Variants in PBX4 observed in about 807,000 individuals in gnomAD.
PBX4 encodes the protein PBX homeobox 4, also known as pre-B-cell leukemia transcription factor 4.
A neutral mutation model predicts 35.1 loss-of-function variants in PBX4; 26 were observed. That is an observed-to-expected ratio of 0.74 (90% CI 0.54 to 1.03). The LOEUF is 1.03. Among genes scored for constraint, PBX4 ranks in the 50% least tolerant of loss-of-function variants. The pLI is 0.00. For missense variants in PBX4, 448 were observed against 504.3 expected (o/e 0.89, Z 1.07); for synonymous variants, 199 against 204.2 (o/e 0.97, Z 0.22).
chr19:19,583,856 G>T (rs532020585), intron 2 of PBX4, among the ~76,000 whole-genome samples: 11 of 152,234 alleles, frequency 7.2e-5, no homozygotes, highest in African/African-American at 1.9e-4. Flanking sequence ...GATCACCTCA[G>T]ATCAGGAGTT....
chr19:19,572,424 T>C (rs1426641621), intron 2 of PBX4, among the ~76,000 whole-genome samples: 1 of 152,136 alleles, frequency 6.6e-6, no homozygotes, highest in Non-Finnish European at 1.5e-5. Context: ...AGTGCTCAGA[T>C]GACAATTCCG....
chr19:19,591,968 C>T (rs941696225), intron 2 of PBX4, among the ~76,000 whole-genome samples: 1 of 152,186 alleles, frequency 6.6e-6, no homozygotes, highest in Non-Finnish European at 1.5e-5. Context: ...TCAAGTGATT[C>T]TTCTGCCTCA....
intron 1 of PBX4, among the ~76,000 whole-genome samples, chr19:19,607,532 C>G (rs1329030942): frequency 6.6e-6 from 1 of 152,104 alleles, no homozygotes; most frequent in Non-Finnish European, 1.5e-5. Context: ...TATAGCAAAA[C>G]AATTGAGAGT....
chr19:19,574,114 C>T (rs746904728), intron 2 of PBX4, among the ~76,000 whole-genome samples: 4 of 151,782 alleles, frequency 2.6e-5, no homozygotes, highest in African/African-American at 9.7e-5. Flanking sequence ...TGAGCTCAAG[C>T]GATCCACCCG....
chr19:19,600,154 A>AATAATG (rs747078999), intron 1 of PBX4, among the ~76,000 whole-genome samples: 9 of 151,524 alleles, frequency 5.9e-5, no homozygotes, highest in Non-Finnish European at 8.8e-5. Context: ...TAATAATAAT[A>AATAATG]ATAATAATGT....
chr19:19,588,526 C>G (rs550748405), intron 2 of PBX4: 6 of 508,976 alleles, frequency 1.2e-5, no homozygotes, highest in African/African-American at 1.1e-4. Context: ...ATCTACCCGC[C>G]TCACCCTCCG....
chr19:19,580,145 G>A (rs536951141), intron 2 of PBX4, among the ~76,000 whole-genome samples: 30 of 152,326 alleles, frequency 2.0e-4, no homozygotes, highest in African/African-American at 5.1e-4. Context: ...AGGCGCAGGC[G>A]CAGACAAGCA....
intron 1 of PBX4, chr19:19,606,727 C>T (rs1461214514): frequency 6.6e-6 from 1 of 152,180 alleles, no homozygotes; most frequent in African/African-American, 2.4e-5. Context: ...GCCCGTAATC[C>T]CAGCACTTTG....
Position 19,618,496 on chromosome 19 carries a change from G to A in PBX4, c.119+15C>T. On this transcript the variant is annotated intron_variant, in intron 1 of 7. Coordinates refer to ENST00000251203, the MANE Select transcript of PBX4 (RefSeq NM_025245.3). ...CACGACCCTGCGTGGCCCCTGCCGA[G>A]CCCGCGGGCAGCACCTGGCCTGTGC... is the stretch of plus-strand genomic sequence containing the variant. 6.8e-7 allele frequency: 1 copy of A among 1,466,600 alleles called. No homozygotes were observed. The highest frequency in any genetic ancestry group is 9.1e-7 in the Non-Finnish European group (1 of 1,104,222). The allele number at this position is 1,466,600 out of a possible 1,614,324, so 90.8% of individuals were successfully genotyped here. A position where few individuals can be genotyped will look rare whatever the true frequency, so the allele number is the denominator to read the frequency against.
At position 19,562,056 on chromosome 19, in the gene PBX4, G is replaced by C. The variant is rs748850883; in HGVS notation, c.1094C>G (p.Pro365Arg). The change falls in exon 8 of 8, where the codon CCT becomes CGT. Residue 365 changes from proline to arginine, a missense_variant. By Grantham distance (103) the Pro-to-Arg change is moderately radical. Transcript: ENST00000251203. This position sits in a 1 kb window ranked among gnomAD's most constrained non-coding sequence, Gnocchi z 4.8. ...QPATASPAGD[P>R]GSINSSTSN ...AGATGTACTGGAGTTGATGCTGCCA[G>C]GGTCTCCAGCAGGTGAGGCAGTTGC... The C allele has an allele frequency of 2.5e-6, 4 of 1,613,432 alleles. No individual in the cohort carries two copies. The South Asian group carries it at 4.4e-5, about 18-fold the overall frequency.
In PBX4 at chr19:19,570,775, C is replaced by G. The variant is rs200752601; in HGVS notation, c.252G>C (p.Leu84=). Residue 84 remains leucine, a synonymous_variant, in exon 3 of 8, where the codon CTG becomes CTC. Coordinates refer to ENST00000251203, the MANE Select transcript of PBX4 (RefSeq NM_025245.3). ...EDPPDAQLLR[L]DNMLLAEGVC... is the part of the protein sequence containing the mutation. ...CGCCCTCAGCCAGCAGCATGTTATCCAGCCTCAGGAGCTGGGCGTCAGGGG... is the reference window on the plus strand; with the variant it reads ...CGCCCTCAGCCAGCAGCATGTTATCGAGCCTCAGGAGCTGGGCGTCAGGGG... The G allele has an allele frequency of 1.2e-6, 2 of 1,614,138 alleles. No individual in the cohort carries two copies. The highest frequency in any genetic ancestry group is 1.7e-6 in the Non-Finnish European group (2 of 1,180,046).
intron 1 of PBX4, among the ~76,000 whole-genome samples, chr19:19,611,288 T>C (rs555250377): frequency 2.0e-5 from 3 of 152,170 alleles, no homozygotes; most frequent in Non-Finnish European, 4.4e-5. Flanking sequence ...AATAGGAATT[T>C]AATCCATATC....
intron 2 of PBX4, among the ~76,000 whole-genome samples, chr19:19,579,408 A>G (rs2061439811): frequency 1.3e-5 from 2 of 152,080 alleles, no homozygotes; most frequent in Admixed American, 1.3e-4. Context: ...CTAAGACAGT[A>G]ACATAACCCC....
chr19:19,589,067 G>A (rs1020231497), intron 2 of PBX4, among the ~76,000 whole-genome samples: 1 of 152,078 alleles, frequency 6.6e-6, no homozygotes, highest in Non-Finnish European at 1.5e-5. Flanking sequence ...ATTCAAGGGA[G>A]CAGTGAGCTA....
intron 2 of PBX4, among the ~76,000 whole-genome samples, chr19:19,593,882 T>C (rs2061543345): frequency 6.6e-6 from 1 of 151,854 alleles, no homozygotes; most frequent in Admixed American, 6.6e-5. Flanking sequence ...ACCCCACACC[T>C]TGGGAGGCTG....
intron 2 of PBX4, among the ~76,000 whole-genome samples, chr19:19,592,805 T>C (rs1302849039): frequency 1.3e-5 from 2 of 152,162 alleles, no homozygotes; most frequent in African/African-American, 2.4e-5. Flanking sequence ...GGAATGGTCA[T>C]TGTTCAGATG....
chr19:19,572,602 C>A (rs567729028), intron 2 of PBX4, among the ~76,000 whole-genome samples: 1 of 151,988 alleles, frequency 6.6e-6, no homozygotes, highest in African/African-American at 2.4e-5. Flanking sequence ...CAGTGGCTCA[C>A]GCCTGTAATC....
rs1331974994 is a variant in PBX4, at chr19:19,570,026, C to T, written c.632+83G>A. The T allele has an allele frequency of 3.5e-6, 5 of 1,424,264 alleles. No individual in the cohort carries two copies. In the African/African-American group the frequency reaches 7.2e-5, roughly 20 times the overall value. 88.2% of individuals were successfully genotyped at this position (1,424,264 alleles called of 1,614,324 possible). ...GTGACTGCAGACACAGCCTCCAGGG[C>T]TGTCTTCAACCCAAGCCAGCACTAT... On this transcript the variant is annotated intron_variant, in intron 4 of 7. Transcript: ENST00000251203.
At chr19:19,601,672 T>A (rs2061598104) in intron 1 of PBX4, among the ~76,000 whole-genome samples, 1 of 152,014 alleles carries the variant, frequency 6.6e-6, no homozygotes, top group African/African-American at 2.4e-5. Flanking sequence ...GCAGAGAAAG[T>A]CATGATGATG....
Sources: gnomAD v4.1 joint callset for allele counts (sites outside exome capture counted in the v4.1 genomes callset) on GRCh38, gnomAD v4.1.1 for gene constraint, Gnocchi (gnomAD v3.1) non-coding constraint, MANE v1.5 for transcripts, NCBI Gene and HGNC (gene_info 2026-07-23, HGNC 2026-07-21) for gene names.